Variants in DACH1 observed in about 807,000 individuals in gnomAD.
DACH1 encodes dachshund homolog 1.
Under a neutral mutation model 54.2 loss-of-function variants are expected in DACH1, and 12 were observed. The observed-to-expected ratio is 0.22, with a 90% CI of 0.14 to 0.36. The LOEUF (loss-of-function observed/expected upper bound fraction) is 0.36. Ranked by LOEUF, DACH1 falls within the 10% of genes least tolerant of loss-of-function variation. The probability of loss-of-function intolerance (pLI) is 1.00; values close to 1 mark genes in which losing one functional copy is unlikely to be tolerated. For synonymous variants in DACH1, 386 were observed against 366.2 expected, an observed-to-expected ratio of 1.05 and a Z score of -0.62; for missense variants, 805 against 929.8, an observed-to-expected ratio of 0.87 and a Z score of 1.75.
At chr13:71,658,796 G>A (rs986155983) in intron 2 of DACH1, among the ~76,000 whole-genome samples, 1 of 152,234 alleles carries the variant, frequency 6.6e-6, no homozygotes, top group African/African-American at 2.4e-5. Flanking sequence ...TACCAAAAAT[G>A]TGTACATAGT....
chr13:71,864,812 C>CCGGT (rs1334813057), intron 1 of DACH1, among the ~76,000 whole-genome samples: 1 of 150,948 alleles, frequency 6.6e-6, no homozygotes, highest in Non-Finnish European at 1.5e-5. Context: ...TGGCTGGGGA[C>CCGGT]CGGTCCCGCC....
At chr13:71,675,664 G>T (rs564207143) in intron 2 of DACH1, among the ~76,000 whole-genome samples, 5 of 152,046 alleles carry the variant, frequency 3.3e-5, no homozygotes, top group African/African-American at 1.2e-4. Context: ...GTTTTCATTT[G>T]TGTGTGAATT....
chr13:71,797,334 A>G (rs1361449508), intron 1 of DACH1, among the ~76,000 whole-genome samples: 1 of 152,112 alleles, frequency 6.6e-6, no homozygotes, highest in African/African-American at 2.4e-5. Context: ...ATGTGATCAA[A>G]AAAATTAAGC....
At chr13:71,657,408 C>T (rs1201767918) in intron 2 of DACH1, among the ~76,000 whole-genome samples, 1 of 151,786 alleles carries the variant, frequency 6.6e-6, no homozygotes, top group Non-Finnish European at 1.5e-5. Context: ...GGGAGGATTG[C>T]TAGAGCCCAA....
chr13:71,547,844 A>G (rs1883557418), intron 6 of DACH1, among the ~76,000 whole-genome samples: 1 of 152,200 alleles, frequency 6.6e-6, no homozygotes, highest in Non-Finnish European at 1.5e-5. Flanking sequence ...AAGCCCTGCA[A>G]ACAAGGCTGA....
At chr13:71,803,606 A>G (rs944557214) in intron 1 of DACH1, among the ~76,000 whole-genome samples, 1 of 152,170 alleles carries the variant, frequency 6.6e-6, no homozygotes, top group Non-Finnish European at 1.5e-5. Context: ...CTCTACTTAA[A>G]TTTTCTAACT....
At chr13:71,484,850 T>G (rs1236012506) in intron 7 of DACH1, among the ~76,000 whole-genome samples, 1 of 151,884 alleles carries the variant, frequency 6.6e-6, no homozygotes, top group East Asian at 1.9e-4. Context: ...TTAGTTAAGG[T>G]CAGGAGTTTG....
chr13:71,586,871 T>C (rs2138448668), intron 3 of DACH1, among the ~76,000 whole-genome samples: 1 of 152,206 alleles, frequency 6.6e-6, no homozygotes, highest in East Asian at 1.9e-4. Flanking sequence ...ATTATTTTCA[T>C]TTGTATGAGT....
At chr13:71,462,868 A>G (rs1452833146) in intron 10 of DACH1, among the ~76,000 whole-genome samples, 5 of 110,824 alleles carry the variant, frequency 4.5e-5, no homozygotes, top group African/African-American at 1.4e-4. Flanking sequence ...GAATCTATCT[A>G]TCTACACACA....
chr13:71,824,360 C>T (rs1888302664), intron 1 of DACH1, among the ~76,000 whole-genome samples: 1 of 151,772 alleles, frequency 6.6e-6, no homozygotes, highest in African/African-American at 2.4e-5. Context: ...AGTTGACAGA[C>T]TGAAATTAAG....
At chr13:71,593,192 G>A (rs372460424) in intron 3 of DACH1, among the ~76,000 whole-genome samples, 1 of 152,266 alleles carries the variant, frequency 6.6e-6, no homozygotes, top group African/African-American at 2.4e-5. Flanking sequence ...TAACAAGAAA[G>A]AGAGGAACAT....
At chr13:71,674,462 CA>C in intron 2 of DACH1, among the ~76,000 whole-genome samples, 1 of 151,562 alleles carries the variant, frequency 6.6e-6, no homozygotes, top group Non-Finnish European at 1.5e-5. Context: ...CACACACACA[CA>C]CACACACACA....
chr13:71,592,897 T>C (rs1482918256), intron 3 of DACH1, among the ~76,000 whole-genome samples: 1 of 152,164 alleles, frequency 6.6e-6, no homozygotes, highest in Admixed American at 6.6e-5. Context: ...TAAACTGGCA[T>C]TCCAAATAAG....
chr13:71,493,444 T>C (rs909490460), intron 6 of DACH1, among the ~76,000 whole-genome samples: 2 of 152,166 alleles, frequency 1.3e-5, no homozygotes, highest in Non-Finnish European at 2.9e-5. Context: ...AGGGAAGCTG[T>C]ACCTAGATTC....
At chr13:71,746,297 C>T (rs1884601158) in intron 1 of DACH1, among the ~76,000 whole-genome samples, 2 of 151,998 alleles carry the variant, frequency 1.3e-5, no homozygotes, top group Admixed American at 6.6e-5. Flanking sequence ...AGAGGAAACC[C>T]ATAGATAGGA....
intron 1 of DACH1, among the ~76,000 whole-genome samples, chr13:71,839,175 T>C (rs1307507878): frequency 1.3e-5 from 2 of 152,202 alleles, no homozygotes; most frequent in Admixed American, 1.3e-4. Flanking sequence ...TTTTTTCTTT[T>C]AAAAGTTAAT....
intron 1 of DACH1, among the ~76,000 whole-genome samples, chr13:71,702,992 T>C (rs890270118): frequency 4.6e-5 from 7 of 152,198 alleles, no homozygotes; most frequent in African/African-American, 1.7e-4. Flanking sequence ...TTTATTGCCA[T>C]CTCAACCTAG....
chr13:71,699,240 T>C (rs7993403), intron 1 of DACH1, among the ~76,000 whole-genome samples: 16,808 of 152,110 alleles, frequency 0.11, 1,272 homozygotes, highest in Non-Finnish European at 0.15. Context: ...GAAAATACTA[T>C]GTCAAAAACT....
chr13:71,501,753 T>A (rs1238561811), intron 6 of DACH1, among the ~76,000 whole-genome samples: 2 of 152,208 alleles, frequency 1.3e-5, no homozygotes, highest in East Asian at 3.9e-4. Context: ...GAGGCATTGC[T>A]ATGATGATGT....
Sources: allele counts gnomAD v4.1 joint callset (sites outside exome capture counted in the v4.1 genomes callset), GRCh38; gene constraint gnomAD v4.1.1; transcripts MANE v1.5; gene names NCBI Gene and HGNC (gene_info 2026-07-23, HGNC 2026-07-21).